TXNL4A: variants seen among roughly 807,000 people sequenced by gnomAD.
TXNL4A encodes thioredoxin like 4A.
A neutral mutation model predicts 14.6 loss-of-function variants in TXNL4A; 17 were observed. That is an observed-to-expected ratio of 1.16 (90% confidence interval 0.80 to 1.74). The LOEUF (loss-of-function observed/expected upper bound fraction) is 1.74, where lower values mean the gene tolerates loss of function less well. TXNL4A is among the 40% of genes most tolerant of loss of function. The pLI is 0.00. For missense variants in TXNL4A, 74 were observed against 195.2 expected (o/e 0.38, Z 3.70); for synonymous variants, 83 against 70.6 (o/e 1.18, Z -0.88).
At chr18:80,000,724 G>A (rs191566104) in intron 1 of TXNL4A, among the ~76,000 whole-genome samples, 109 of 152,136 alleles carry the variant, frequency 7.2e-4, no homozygotes, top group African/African-American at 2.3e-3. Context: ...GCATGATCTC[G>A]GCTCACCACA....
At position 79,975,088 on chromosome 18, in the gene TXNL4A, A is replaced by G. The variant is rs951525264; in HGVS notation, c.258-1232T>C. 2.6e-5 allele frequency among the ~76,000 whole-genome samples: 4 copies of G among 152,090 alleles called. No homozygotes were observed. The East Asian group carries it at 5.8e-4, about 22-fold the overall frequency. On this transcript the variant is annotated intron_variant, in intron 2 of 2. Coordinates refer to ENST00000269601, the MANE Select transcript of TXNL4A (RefSeq NM_006701.5). Reference sequence around the variant, plus strand: ...CAGCATGCACCAAGCTCCTTCTACAATGACTGGGGGCTGCCCGTAGCACCC... The same window carrying G: ...CAGCATGCACCAAGCTCCTTCTACAGTGACTGGGGGCTGCCCGTAGCACCC...
At chr18:80,028,780 T>C (rs1390757633) in intron 1 of TXNL4A, among the ~76,000 whole-genome samples, 2 of 152,348 alleles carry the variant, frequency 1.3e-5, no homozygotes, top group Middle Eastern at 3.4e-3. Flanking sequence ...AGGGTTTGCA[T>C]GACTTTGGGA....
At chr18:79,983,503 A>G (rs2051495479) in intron 1 of TXNL4A, among the ~76,000 whole-genome samples, 1 of 152,206 alleles carries the variant, frequency 6.6e-6, no homozygotes, top group African/African-American at 2.4e-5. Context: ...GGCACATGAT[A>G]CCAACCACTG....
chr18:80,025,145 T>C (rs1400744062), intron 1 of TXNL4A, among the ~76,000 whole-genome samples: 2 of 152,146 alleles, frequency 1.3e-5, no homozygotes, highest in African/African-American at 4.8e-5. Context: ...GGATAAAAAA[T>C]GCAGGCACAA....
At chr18:80,001,267 C>G (rs2051696682) in intron 1 of TXNL4A, among the ~76,000 whole-genome samples, 1 of 152,156 alleles carries the variant, frequency 6.6e-6, no homozygotes, top group African/African-American at 2.4e-5. Flanking sequence ...GAACCTCTGC[C>G]TAGATTTCAG....
At chr18:79,999,283 C>G (rs1204890996) in intron 1 of TXNL4A, among the ~76,000 whole-genome samples, 1 of 152,060 alleles carries the variant, frequency 6.6e-6, no homozygotes, top group Non-Finnish European at 1.5e-5. Flanking sequence ...CGCCTGTAAT[C>G]CCAGCACTTT....
At position 79,988,283 on chromosome 18, in the gene TXNL4A, G is replaced by A; in HGVS notation, c.110C>T (p.Thr37Met). The change falls in exon 1 of 3, where the codon ACG becomes ATG. Residue 37 changes from threonine (T) to methionine (M), a missense_variant. By Grantham distance (81) the Thr-to-Met change is moderately conservative (BLOSUM62 -1). Coordinates refer to ENST00000269601, the MANE Select transcript of TXNL4A (RefSeq NM_006701.5). ...VIRFGHDWDP[T>M]CMKMDEVLYS... The stretch of plus-strand genomic sequence containing the variant: ...CAGGACCTCGTCCATCTTCATGCAC[G>A]TAGGATCCCAGTCGTGGCCGAAGCG... The A allele has an allele frequency of 1.9e-6, 3 of 1,603,874 alleles. No homozygotes were observed. Among genetic ancestry groups the A allele is most frequent in the East Asian group, 2.2e-5 (1 of 44,598 alleles).
chr18:80,011,507 C>G lies in TXNL4A; in HGVS notation c.-61+22344G>C, dbSNP rs2051769301. The stretch of plus-strand genomic sequence containing the variant: ...CTGCTACAGTTGCCTTCCACCCTTG[C>G]TGCAATATTGTGGGAAAGAGTTTCT... On this transcript the variant is annotated intron_variant, in intron 1 of 2. Transcript: ENST00000585474. This position sits in a 1 kb window ranked among gnomAD's most constrained non-coding sequence, Gnocchi z 4.1. Among the ~76,000 whole-genome samples the G allele has an allele frequency of 7.4e-6, 1 of 135,266 alleles. No homozygotes were observed. The highest frequency in any genetic ancestry group is 3.1e-4 in the South Asian group (1 of 3,246). 88.7% of individuals were successfully genotyped at this position (135,266 alleles called of 152,430 possible).
At chr18:79,980,602 G>C (rs1391750285) in intron 1 of TXNL4A, among the ~76,000 whole-genome samples, 4 of 152,160 alleles carry the variant, frequency 2.6e-5, no homozygotes, top group Non-Finnish European at 5.9e-5. Flanking sequence ...CCATGGAGCA[G>C]GGTGGGGAGA....
Position 79,973,424 on chromosome 18 carries a change from C to T in TXNL4A, c.*261G>A, listed in dbSNP as rs770950216. 9 of 415,688 alleles carry T rather than the reference C, an allele frequency of 2.2e-5. No individual in the cohort carries two copies. In the South Asian group the frequency reaches 2.3e-4, roughly 11 times the overall value. The allele number at this position is 415,688 out of a possible 1,614,324, so 25.7% of individuals were successfully genotyped here. On this transcript the variant is annotated 3_prime_UTR_variant, in exon 3 of 3. Coordinates refer to ENST00000269601, the MANE Select transcript of TXNL4A (RefSeq NM_006701.5). ...CACAGGCTCACAGGATAAACACCTTCGTTTTACTCCAAGGGTAAGAATTAA... is the reference window on the plus strand; with the variant it reads ...CACAGGCTCACAGGATAAACACCTTTGTTTTACTCCAAGGGTAAGAATTAA...
chr18:79,983,125 C>T (rs944799059), intron 1 of TXNL4A, among the ~76,000 whole-genome samples: 1 of 152,090 alleles, frequency 6.6e-6, no homozygotes, highest in African/African-American at 2.4e-5. Flanking sequence ...CTCAGCCTCC[C>T]GAGTAGCTGG....
At position 79,988,467 on chromosome 18, in the gene TXNL4A, T is replaced by C; in HGVS notation, c.-75A>G. On this transcript the variant is annotated 5_prime_UTR_variant, in exon 1 of 3. Transcript: ENST00000269601. ...CAGCGAGGTGGGCTCAGCCGGCCCC[T>C]CACTCCCCGGCCCCCGCCGCCCCCG... 7.9e-7 allele frequency: 1 copy of C among 1,262,864 alleles called. No individual in the cohort carries two copies. Among genetic ancestry groups the C allele is most frequent in the Non-Finnish European group, 1.0e-6 (1 of 999,238 alleles). 78.2% of individuals were successfully genotyped at this position (1,262,864 alleles called of 1,614,324 possible).
Position 79,971,254 on chromosome 18 carries a change from G to C in TXNL4A, c.*2431C>G, listed in dbSNP as rs1264491320. On this transcript the variant is annotated 3_prime_UTR_variant, in exon 3 of 3. Transcript: ENST00000269601. ...TTTCCACATTTTGGCTTCTGTGTAC[G>C]AGTTTCTATGTGGACATATGCGTTC... is the stretch of plus-strand genomic sequence containing the variant. 1 of 152,228 alleles carries C rather than the reference G, an allele frequency of 6.6e-6. No homozygotes were observed. The allele number at this position is 152,228 out of a possible 1,614,324, so 9.4% of individuals were successfully genotyped here.
intron 1 of TXNL4A, among the ~76,000 whole-genome samples, chr18:80,010,061 T>A (rs1369623649): frequency 2.0e-5 from 3 of 152,238 alleles, no homozygotes; most frequent in African/African-American, 7.2e-5. Flanking sequence ...TGGCTCCTGC[T>A]GTAACCAGTT....
intron 1 of TXNL4A, among the ~76,000 whole-genome samples, chr18:80,030,923 C>T (rs1161598608): frequency 6.6e-6 from 1 of 152,084 alleles, no homozygotes; most frequent in East Asian, 1.9e-4. Flanking sequence ...GCTGAGAACA[C>T]GCCACTGCAC....
intron 1 of TXNL4A, among the ~76,000 whole-genome samples, chr18:80,019,943 GA>G (rs1230310039): frequency 6.6e-6 from 1 of 152,120 alleles, no homozygotes; most frequent in Admixed American, 6.5e-5. Flanking sequence ...GGAACCCCAA[GA>G]TAGTGATATG....
upstream of TXNL4A, among the ~76,000 whole-genome samples, chr18:79,989,763 G>T (rs1016400581): frequency 6.6e-6 from 1 of 152,146 alleles, no homozygotes; most frequent in Non-Finnish European, 1.5e-5. Context: ...GGGAGGCCGA[G>T]GCCGGCGGAT....
Position 79,973,712 on chromosome 18 carries a change from C to T in TXNL4A, c.402G>A (p.Lys134=). Residue 134 remains lysine (K), a synonymous_variant, in exon 3 of 3, where the codon AAG becomes AAA. Transcript: ENST00000269601. The part of the protein sequence containing the change: ...RKGRGLVVSP[K]DYSTKYRY ...AGTAGCGGTACTTGGTGGAGTAGTCCTTGGGGGACACCACCAGGCCGCGGC... is the reference window on the plus strand; with the variant it reads ...AGTAGCGGTACTTGGTGGAGTAGTCTTTGGGGGACACCACCAGGCCGCGGC... The T allele has an allele frequency of 6.2e-7, 1 of 1,614,130 alleles. No homozygotes were observed. The highest frequency in any genetic ancestry group is 8.5e-7 in the Non-Finnish European group (1 of 1,180,022).
At chr18:79,996,559 C>T (rs1196828335) in intron 1 of TXNL4A, among the ~76,000 whole-genome samples, 1 of 152,154 alleles carries the variant, frequency 6.6e-6, no homozygotes, top group African/African-American at 2.4e-5. Context: ...GCTGTGATCT[C>T]GTCAACATCC....
Sources: allele counts gnomAD v4.1 joint callset (sites outside exome capture counted in the v4.1 genomes callset), GRCh38; gene constraint gnomAD v4.1.1; non-coding constraint Gnocchi (gnomAD v3.1); transcripts MANE v1.5; gene names NCBI Gene and HGNC (gene_info 2026-07-23, HGNC 2026-07-21).